Variants in PCDHA5 observed in about 807,000 individuals in gnomAD.
PCDHA5 encodes the protein protocadherin alpha-5.
In PCDHA5, 43 loss-of-function variants were observed where a neutral mutation model predicts 61.6. That is an observed-to-expected ratio of 0.70 (90% CI 0.55 to 0.90). PCDHA5 has a LOEUF of 0.90. PCDHA5 is among the 40% of genes least tolerant of loss of function. The pLI is 0.00. For missense variants in PCDHA5, 1,298 were observed against 1,222.7 expected, an observed-to-expected ratio of 1.06 and a Z score of -0.92; for synonymous variants, 627 against 543.9, an observed-to-expected ratio of 1.15 and a Z score of -2.13.
At chr5:140,912,310 A>T (rs936183695) in intron 1 of PCDHA5, among the ~76,000 whole-genome samples, 1 of 151,764 alleles carries the variant, frequency 6.6e-6, no homozygotes, top group African/African-American at 2.4e-5. Flanking sequence ...AATCCAGTCA[A>T]GTTGACCCTC....
chr5:140,883,557 G>C, intron 1 of PCDHA5: 1 of 1,614,214 alleles, frequency 6.2e-7, no homozygotes, highest in Non-Finnish European at 8.5e-7. Flanking sequence ...GCGCGGGACG[G>C]GGGCTCGCCT....
At chr5:140,870,912 C>T (rs1554164817) in intron 1 of PCDHA5, 1 of 1,613,952 alleles carries the variant, frequency 6.2e-7, no homozygotes, top group Admixed American at 1.7e-5. Flanking sequence ...CAGGCTACAA[C>T]GCGTGGCTTT....
chr5:140,927,640 A>G (rs2084459027), intron 1 of PCDHA5: 8 of 1,614,138 alleles, frequency 5.0e-6, no homozygotes, highest in Non-Finnish European at 6.8e-6. Flanking sequence ...ACCCAATGGG[A>G]CTGTGTTATT....
At chr5:140,978,716 T>C (rs1317618418) in intron 1 of PCDHA5, among the ~76,000 whole-genome samples, 2 of 152,252 alleles carry the variant, frequency 1.3e-5, no homozygotes, top group African/African-American at 4.8e-5. Flanking sequence ...CTTTACAAGA[T>C]TATTAAATCT....
At chr5:140,836,222 G>A (rs1366875668) in intron 1 of PCDHA5, 2 of 1,613,676 alleles carry the variant, frequency 1.2e-6, no homozygotes, top group Non-Finnish European at 8.5e-7. Flanking sequence ...AGTTGCAACC[G>A]GTGGCGGCCG....
Position 140,837,010 on chromosome 5 carries a change from C to T in PCDHA5, c.2352+12883C>T, listed in dbSNP as rs1188218220. On this transcript the variant is annotated intron_variant, in intron 1 of 3. Coordinates refer to ENST00000529859, the MANE Select transcript of PCDHA5 (RefSeq NM_018908.3). Reference sequence around the variant, plus strand: ...ACTTTGCTAACTGGAGCAATGGATTCACCTTTCTTCTATAGTGTATTTACA... The same window carrying T: ...ACTTTGCTAACTGGAGCAATGGATTTACCTTTCTTCTATAGTGTATTTACA... 4 of 308,042 alleles carry T rather than the reference C, an allele frequency of 1.3e-5. 1 individual carries two copies. Among genetic ancestry groups the T allele is most frequent in the African/African-American group, 8.8e-5 (4 of 45,630 alleles). 19.1% of individuals were successfully genotyped at this position (308,042 alleles called of 1,614,324 possible).
intron 1 of PCDHA5, chr5:140,843,794 T>G: frequency 7.3e-7 from 1 of 1,365,430 alleles, no homozygotes; most frequent in East Asian, 2.3e-5. Flanking sequence ...CAGATTTAGT[T>G]TTTCACCGTA....
Position 140,870,311 on chromosome 5 carries a change from A to C in PCDHA5, c.2352+46184A>C, listed in dbSNP as rs143855054. The C allele has an allele frequency of 1.9e-6, 3 of 1,614,154 alleles. No homozygotes were observed. In the African/African-American group the frequency reaches 4.0e-5, roughly 22 times the overall value. On this transcript the variant is annotated intron_variant, in intron 1 of 3. Transcript: ENST00000529859. ...AAGCTGGTGTCCACCTTCAAGAATT[A>C]CTACTCGTTGGTGCTGGACAGCGCC...
chr5:140,841,654 C>A lies in PCDHA5; in HGVS notation c.2352+17527C>A, dbSNP rs1270188852. The A allele has an allele frequency of 6.2e-6, 10 of 1,613,990 alleles. No homozygotes were observed. In the East Asian group the frequency reaches 1.3e-4, roughly 22 times the overall value. On this transcript the variant is annotated intron_variant, in intron 1 of 3. Transcript: ENST00000529859. ...GCATCCACCTGGAGGTGATCGTGGA[C>A]AGGCCGCTGCAGGTTTTCCATGTGG...
intron 1 of PCDHA5, among the ~76,000 whole-genome samples, chr5:140,920,661 T>C (rs1301918138): frequency 3.9e-5 from 6 of 152,042 alleles, no homozygotes; most frequent in African/African-American, 1.4e-4. Flanking sequence ...CTTGCCAACA[T>C]GGTGAAACCC....
intron 1 of PCDHA5, among the ~76,000 whole-genome samples, chr5:140,888,860 A>C (rs1349587487): frequency 6.6e-6 from 1 of 152,086 alleles, no homozygotes; most frequent in Non-Finnish European, 1.5e-5. Flanking sequence ...GAGTGAGACC[A>C]TGTCTCAACA....
At chr5:140,983,931 G>A (rs1398681067) in intron 3 of PCDHA5, among the ~76,000 whole-genome samples, 1 of 152,190 alleles carries the variant, frequency 6.6e-6, no homozygotes, top group Non-Finnish European at 1.5e-5. Context: ...GCTATTTATG[G>A]ATGTTGCACA....
Position 141,011,633 on chromosome 5 carries a change from G to C in PCDHA5, c.*1696G>C, listed in dbSNP as rs988824031. On this transcript the variant is annotated 3_prime_UTR_variant, in exon 4 of 4. Coordinates refer to ENST00000529859, the MANE Select transcript of PCDHA5 (RefSeq NM_018908.3). ...TTATGGTCCAGCCAAGAGCCATCTC[G>C]TGCCAAGACTTCTGCTGGCAAGGGA... 6.5e-6 allele frequency: 1 copy of C among 153,624 alleles called. No homozygotes were observed. Among genetic ancestry groups the C allele is most frequent in the Non-Finnish European group, 1.5e-5 (1 of 68,022 alleles). 9.5% of individuals were successfully genotyped at this position (153,624 alleles called of 1,614,324 possible). A position where few individuals can be genotyped will look rare whatever the true frequency, so the allele number is the denominator to read the frequency against.
chr5:140,895,914 A>G (rs570826611), intron 1 of PCDHA5, among the ~76,000 whole-genome samples: 43 of 152,162 alleles, frequency 2.8e-4, no homozygotes, highest in Non-Finnish European at 1.3e-4. Flanking sequence ...CGGGCTCAAC[A>G]ATTATCCTGC....
At chr5:140,955,470 G>C (rs1459601597) in intron 1 of PCDHA5, among the ~76,000 whole-genome samples, 2 of 151,850 alleles carry the variant, frequency 1.3e-5, no homozygotes, top group African/African-American at 4.8e-5. Context: ...CTTTTTGCTT[G>C]GCACCTCTCC....
intron 3 of PCDHA5, among the ~76,000 whole-genome samples, chr5:140,999,635 A>C (rs2097866612): frequency 6.6e-6 from 1 of 152,192 alleles, no homozygotes; most frequent in Non-Finnish European, 1.5e-5. Flanking sequence ...AAGGTAGAGA[A>C]AACTGTGCAG....
chr5:140,987,904 G>A (rs115515462), intron 3 of PCDHA5, among the ~76,000 whole-genome samples: 1 of 151,734 alleles, frequency 6.6e-6, no homozygotes, highest in African/African-American at 2.4e-5. Context: ...TTTTATATGG[G>A]GATTTATATT....
intron 1 of PCDHA5, chr5:140,876,687 C>CA (rs2056504367): frequency 1.2e-6 from 2 of 1,614,212 alleles, no homozygotes; most frequent in Non-Finnish European, 1.7e-6. Context: ...AGAATTACTA[C>CA]TCGTTGGTGC....
intron 1 of PCDHA5, chr5:140,871,014 C>T (rs1554164974): frequency 1.2e-6 from 2 of 1,613,178 alleles, no homozygotes; most frequent in Admixed American, 1.7e-5. Flanking sequence ...GTGCCCTGGA[C>T]GAGGCAGACT....
Sources: gnomAD v4.1 joint callset for allele counts (sites outside exome capture counted in the v4.1 genomes callset) on GRCh38, gnomAD v4.1.1 for gene constraint, MANE v1.5 for transcripts, NCBI Gene and HGNC (gene_info 2026-07-23, HGNC 2026-07-21) for gene names.